ACAN: variants seen among roughly 807,000 people sequenced by gnomAD.
ACAN encodes aggrecan.
A neutral mutation model predicts 169.1 loss-of-function variants in ACAN; 47 were observed. The ratio of observed to expected loss-of-function variants is 0.28; its 90% CI spans 0.22 to 0.35. The LOEUF (loss-of-function observed/expected upper bound fraction) is 0.35. ACAN is among the 10% of genes least tolerant of loss of function. The probability of loss-of-function intolerance (pLI) is 1.00; values close to 1 mark genes in which losing one functional copy is unlikely to be tolerated. For synonymous variants in ACAN, 1,115 were observed against 1,112.2 expected (o/e 1.00, Z -0.05); for missense variants, 2,716 against 2,759.9 (o/e 0.98, Z 0.36).
rs767011689 is a variant in ACAN, at chr15:88,847,429, C to T, written c.1604+12C>T. On this transcript the variant is annotated intron_variant, in intron 8 of 18. Coordinates refer to ENST00000560601, the MANE Select transcript of ACAN (RefSeq NM_001369268.1). Reference sequence around the variant, plus strand: ...GACCAGACCGTCAGGTGAAGCCATGCTCCTCGCCCAGCCCAAACCCAATTG... The same window carrying T: ...GACCAGACCGTCAGGTGAAGCCATGTTCCTCGCCCAGCCCAAACCCAATTG... 5.1e-6 allele frequency: 8 copies of T among 1,554,874 alleles called. No homozygotes were observed. The highest frequency in any genetic ancestry group is 7.0e-6 in the Non-Finnish European group (8 of 1,144,958).
chr15:88,839,903 C>A lies in ACAN; in HGVS notation c.455-109C>A. ...GAGTCATGCATCAGCCCAGACCAGC[C>A]AGTTCCCTAAGGTCCCTTTGACTAT... On this transcript the variant is annotated intron_variant, in intron 3 of 18. Transcript: ENST00000560601. This position sits in a 1 kb window ranked among gnomAD's most constrained non-coding sequence, Gnocchi z 4.5. 1 of 1,346,226 alleles carries A rather than the reference C, an allele frequency of 7.4e-7. No homozygotes were observed. The allele number at this position is 1,346,226 out of a possible 1,614,324, so 83.4% of individuals were successfully genotyped here.
In ACAN at chr15:88,843,632, C is replaced by T. The variant is rs1466485289; in HGVS notation, c.1035C>T (p.Asp345=). 7 of 1,582,294 alleles carry T rather than the reference C, an allele frequency of 4.4e-6. No individual in the cohort carries two copies. Among genetic ancestry groups the T allele is most frequent in the South Asian group, 2.3e-5 (2 of 88,538 alleles). ...ACCCCGACCCCTCATCCCGCTACGA[C>T]GCCATCTGCTACACAGGTGGGGCAC... ...TGYPDPSSRY[D]AICYTGEDFV... The change falls in exon 6 of 19, where the codon GAC becomes GAT. Residue 345 remains aspartate, a synonymous_variant. Transcript: ENST00000560601. The surrounding 1 kb of genome is among the most constrained non-coding windows in gnomAD (Gnocchi z 4.0).
rs571382991 is a variant in ACAN, at chr15:88,874,419, C to T, written c.7645C>T (p.Arg2549Cys). The change falls in exon 19 of 19, where the codon CGC (arginine) becomes TGC (cysteine). Residue 2549 changes from arginine (R) to cysteine (C), a missense_variant. Around this residue, in one of 3 missense-constraint regions of ACAN, gnomAD observed 1,389 missense variants for 1,363.7 expected, o/e 1.02. Transcript: ENST00000560601. The surrounding 1 kb of genome is among the most constrained non-coding windows in gnomAD (Gnocchi z 7.3). Reference protein sequence around the residue: ...ITCTDPTTYKRRLQKRSSRHP... With the variant: ...ITCTDPTTYKCRLQKRSSRHP... Reference sequence around the variant, plus strand: ...TTTCGTCCTAGCCACCACCTACAAACGCAGACTACAGAAGCGGAGCTCACG... The same window carrying T: ...TTTCGTCCTAGCCACCACCTACAAATGCAGACTACAGAAGCGGAGCTCACG... The T allele has an allele frequency of 2.4e-5, 39 of 1,606,398 alleles. No homozygotes were observed. The highest frequency in any genetic ancestry group is 2.8e-5 in the Non-Finnish European group (33 of 1,176,806).
chr15:88,813,507 C>T (rs903191119), intron 1 of ACAN, among the ~76,000 whole-genome samples: 1 of 152,228 alleles, frequency 6.6e-6, no homozygotes, highest in African/African-American at 2.4e-5. Flanking sequence ...TGGCCACTTC[C>T]ATATGCCAAC....
chr15:88,812,068 G>T (rs1167348055), intron 1 of ACAN, among the ~76,000 whole-genome samples: 1 of 152,164 alleles, frequency 6.6e-6, no homozygotes, highest in African/African-American at 2.4e-5. Flanking sequence ...ACTCCTGAGC[G>T]GGAGGAGGGT....
At chr15:88,844,664 C>T (rs964033334) in intron 6 of ACAN, among the ~76,000 whole-genome samples, 3 of 152,166 alleles carry the variant, frequency 2.0e-5, no homozygotes, top group Non-Finnish European at 2.9e-5. Context: ...TGAGCCACCA[C>T]GCCCGGCCAC....
At chr15:88,860,551 G>C in intron 13 of ACAN, 112 bp downstream of exon 13, 1 of 807,440 alleles carries the variant, frequency 1.2e-6, no homozygotes, top group Admixed American at 2.1e-5. Flanking sequence ...TGAGGCTCAG[G>C]CTGGGAAGGA....
chr15:88,854,857 CT>C lies in ACAN; in HGVS notation c.2274del (p.Pro759LeufsTer51). 6.7e-7 allele frequency: 1 copy of C among 1,483,384 alleles called. No individual in the cohort carries two copies. Among genetic ancestry groups the C allele is most frequent in the Admixed American group, 2.4e-5 (1 of 40,856 alleles). The allele number at this position is 1,483,384 out of a possible 1,614,324, so 91.9% of individuals were successfully genotyped here. On this transcript the variant is annotated frameshift_variant, in exon 12 of 19. Transcript: ENST00000560601. LOFTEE classifies it high-confidence loss of function. ...TTCTTCCTTCTTTCCTACAGGGATC[CT>C]TCCTACTTGGCCTCCCACTGGCGCA... is the stretch of plus-strand genomic sequence containing the variant. ...PVGTSPLPGI[L>X]PTWPPTGAAT...
At chr15:88,833,632 G>A (rs532912593) in intron 1 of ACAN, among the ~76,000 whole-genome samples, 31 of 151,220 alleles carry the variant, frequency 2.0e-4, no homozygotes, top group South Asian at 4.2e-4. Context: ...AAACACAAGA[G>A]CATATTTATT....
intron 13 of ACAN, 137 bp downstream of exon 13, chr15:88,860,576 T>A (rs2141616654): frequency 1.5e-6 from 1 of 654,086 alleles, no homozygotes; most frequent in Non-Finnish European, 2.7e-6. Flanking sequence ...CATGATGACA[T>A]GTCAGGGGCA....
At chr15:88,823,896 G>A (rs1487824033) in intron 1 of ACAN, among the ~76,000 whole-genome samples, 1 of 152,124 alleles carries the variant, frequency 6.6e-6, no homozygotes, top group Non-Finnish European at 1.5e-5. Flanking sequence ...TCCATGGGCC[G>A]TGTGTGCACT....
At chr15:88,826,878 G>C (rs1189585777) in intron 1 of ACAN, among the ~76,000 whole-genome samples, 1 of 152,170 alleles carries the variant, frequency 6.6e-6, no homozygotes. Context: ...TGAGCGTAAA[G>C]GGACTGTAAA....
Position 88,857,728 on chromosome 15 carries a change from C to G in ACAN, c.5143C>G (p.Leu1715Val). 6.2e-7 allele frequency: 1 copy of G among 1,613,982 alleles called. No individual in the cohort carries two copies. Among genetic ancestry groups the G allele is most frequent in the African/African-American group, 1.3e-5 (1 of 75,042 alleles). The stretch of plus-strand genomic sequence containing the variant: ...TAGTGGACTCCCTTCAGGAACTGAA[C>G]TCAGTGGCCAAGCATCTGGGTCTCC... The part of the protein sequence containing the change: ...RASGLPSGTE[L>V]SGQASGSPDV... The change falls in exon 12 of 19, where the codon CTC becomes GTC. Residue 1715 changes from leucine to valine, a missense_variant. Physicochemically the swap from Leu to Val is conservative, Grantham distance 32. Around this residue, in one of 3 missense-constraint regions of ACAN, gnomAD observed 1,389 missense variants for 1,363.7 expected, o/e 1.02. Coordinates refer to ENST00000560601, the MANE Select transcript of ACAN (RefSeq NM_001369268.1).
chr15:88,825,539 A>T (rs1896193009), intron 1 of ACAN, among the ~76,000 whole-genome samples: 1 of 152,208 alleles, frequency 6.6e-6, no homozygotes, highest in African/African-American at 2.4e-5. Flanking sequence ...GTACCATGTT[A>T]TCTCCCAAGA....
In ACAN at chr15:88,873,898, G is replaced by A. The variant is rs2054998661; in HGVS notation, c.7504G>A (p.Asp2502Asn). The A allele has an allele frequency of 1.9e-6, 3 of 1,613,754 alleles. No individual in the cohort carries two copies. The highest frequency in any genetic ancestry group is 2.2e-5 in the South Asian group (2 of 91,090). The change falls in exon 18 of 19, where the codon GAC becomes AAC. Residue 2502 changes from aspartate (D) to asparagine (N), a missense_variant. Physicochemically the swap from Asp to Asn is conservative, Grantham distance 23 (BLOSUM62 1). This residue lies in a region of ACAN where 1,389 missense variants were observed against 1,363.7 expected (regional missense o/e 1.02). Transcript: ENST00000560601. The surrounding 1 kb of genome is among the most constrained non-coding windows in gnomAD (Gnocchi z 7.5). ...EHARTFGQKK[D>N]RYEINSLVRY... The stretch of plus-strand genomic sequence containing the variant: ...TGCCAGGACCTTCGGGCAGAAGAAG[G>A]ACCGGTATGAGATCAATTCCCTGGT...
intron 1 of ACAN, among the ~76,000 whole-genome samples, chr15:88,812,201 G>A (rs1376347134): frequency 6.6e-6 from 1 of 152,124 alleles, no homozygotes; most frequent in Non-Finnish European, 1.5e-5. Flanking sequence ...CCTTCTCAGT[G>A]ACCCAGGGAC....
At chr15:88,815,756 T>C (rs574348242) in intron 1 of ACAN, among the ~76,000 whole-genome samples, 83 of 150,776 alleles carry the variant, frequency 5.5e-4, no homozygotes, top group African/African-American at 2.0e-3. Context: ...GACTACCAAG[T>C]AAGATTGGGG....
rs1387336975 is a variant in ACAN, at chr15:88,872,857, C to T, written c.7303-24C>T. On this transcript the variant is annotated intron_variant, in intron 16 of 18. Coordinates refer to ENST00000560601, the MANE Select transcript of ACAN (RefSeq NM_001369268.1). This position sits in a 1 kb window ranked among gnomAD's most constrained non-coding sequence, Gnocchi z 5.4. ...CCCGCACTGTCCTGCCCTCTCCTTA[C>T]TCCTTCCCCACTCCCACCCACAGCA... is the stretch of plus-strand genomic sequence containing the variant. The T allele has an allele frequency of 1.1e-5, 18 of 1,612,398 alleles. No homozygotes were observed. Among genetic ancestry groups the T allele is most frequent in the African/African-American group, 2.7e-5 (2 of 74,908 alleles).
Position 88,859,437 on chromosome 15 carries a change from C to A in ACAN, c.6832+20C>A. The A allele has an allele frequency of 6.4e-7, 1 of 1,551,940 alleles. No homozygotes were observed. Among genetic ancestry groups the A allele is most frequent in the South Asian group, 1.2e-5 (1 of 84,064 alleles). Reference sequence around the variant, plus strand: ...CTGCAGGTATTGTGATTTTTTCCCCCTTTAAATGTGCTTAGGTAGTTCAGA... The same window carrying A: ...CTGCAGGTATTGTGATTTTTTCCCCATTTAAATGTGCTTAGGTAGTTCAGA... On this transcript the variant is annotated intron_variant, in intron 12 of 18. Coordinates refer to ENST00000560601, the MANE Select transcript of ACAN (RefSeq NM_001369268.1).
Sources: gnomAD v4.1 joint callset for allele counts (sites outside exome capture counted in the v4.1 genomes callset) on GRCh38, gnomAD v4.1.1 for gene constraint, gnomAD v4.1.1 regional missense constraint, Gnocchi (gnomAD v3.1) non-coding constraint, MANE v1.5 for transcripts, NCBI Gene and HGNC (gene_info 2026-07-23, HGNC 2026-07-21) for gene names.